The following SPOPL variants were observed in gnomAD, a reference collection of about 807,000 sequenced individuals.
The protein encoded by SPOPL is speckle-type POZ protein-like.
A neutral mutation model predicts 53.8 loss-of-function variants in SPOPL; 23 were observed. The ratio of observed to expected loss-of-function variants is 0.43; its 90% CI spans 0.31 to 0.61. The LOEUF is 0.61. Among genes scored for constraint, SPOPL ranks in the 20% least tolerant of loss-of-function variants. SPOPL has a pLI of 0.12. For missense variants in SPOPL, 442 were observed against 466.9 expected, an observed-to-expected ratio of 0.95 and a Z score of 0.49; for synonymous variants, 164 against 149.7, an observed-to-expected ratio of 1.10 and a Z score of -0.70.
intron 8 of SPOPL, among the ~76,000 whole-genome samples, chr2:138,561,594 T>C (rs76921014): frequency 2.6e-5 from 4 of 152,260 alleles, no homozygotes; most frequent in African/African-American, 7.2e-5. Flanking sequence ...ATTGGGGAAA[T>C]TGGACCAAGT....
intron 1 of SPOPL, among the ~76,000 whole-genome samples, chr2:138,512,551 A>G (rs923859201): frequency 2.0e-5 from 3 of 152,214 alleles, no homozygotes; most frequent in African/African-American, 7.2e-5. Flanking sequence ...ATAGTTTTAT[A>G]TGCACATGAT....
Position 138,569,165 on chromosome 2 carries a change from AGTT to A in SPOPL, c.*89_*91del. ...TTCTAATACACAAACCATAAGCAAG[AGTT>A]GTTTCTGTTATTTTGTCCACAGAAC... On this transcript the variant is annotated 3_prime_UTR_variant, in exon 11 of 11. Coordinates refer to ENST00000280098, the MANE Select transcript of SPOPL (RefSeq NM_001001664.3). 6.9e-7 allele frequency: 1 copy of A among 1,439,498 alleles called. No homozygotes were observed. The highest frequency in any genetic ancestry group is 9.5e-7 in the Non-Finnish European group (1 of 1,056,700). The allele number at this position is 1,439,498 out of a possible 1,614,324, so 89.2% of individuals were successfully genotyped here.
At chr2:138,548,239 CTTT>C (rs34021497) in intron 1 of SPOPL, among the ~76,000 whole-genome samples, 2 of 88,978 alleles carry the variant, frequency 2.2e-5, no homozygotes, top group African/African-American at 4.5e-5. Context: ...TGAAGGTAAA[CTTT>C]TTTTTTTTTT....
chr2:138,554,184 T>G (rs1183741012), intron 5 of SPOPL, among the ~76,000 whole-genome samples: 1 of 152,024 alleles, frequency 6.6e-6, no homozygotes, highest in Admixed American at 6.6e-5. Flanking sequence ...TTAAGATTTT[T>G]TTTTTGTATG....
chr2:138,560,794 T>A lies in SPOPL; in HGVS notation c.715-11T>A. ...TTTTTTTAACATTTTTGTGTTGTTT[T>A]TCGATATCAGAATCGAGTGGAAATA... On this transcript the variant is annotated splice_polypyrimidine_tract_variant and intron_variant, in intron 7 of 10. Coordinates refer to ENST00000280098, the MANE Select transcript of SPOPL (RefSeq NM_001001664.3). 2 of 1,573,402 alleles carry A rather than the reference T, an allele frequency of 1.3e-6. No individual in the cohort carries two copies. The highest frequency in any genetic ancestry group is 1.7e-6 in the Non-Finnish European group (2 of 1,168,278).
intron 5 of SPOPL, among the ~76,000 whole-genome samples, 197 bp from the exon 6 acceptor site, chr2:138,558,825 G>T (rs542979255): frequency 4.9e-4 from 75 of 152,084 alleles, no homozygotes; most frequent in Admixed American, 2.0e-4. Context: ...AATTGAAAAA[G>T]ATCTATATTT....
At chr2:138,527,961 T>C (rs911308379) in intron 1 of SPOPL, among the ~76,000 whole-genome samples, 2 of 152,198 alleles carry the variant, frequency 1.3e-5, no homozygotes, top group Non-Finnish European at 2.9e-5. Flanking sequence ...AGGAGGGCTT[T>C]ATTTTGTGTG....
chr2:138,528,416 T>A (rs893508221), intron 1 of SPOPL, among the ~76,000 whole-genome samples: 2 of 152,238 alleles, frequency 1.3e-5, no homozygotes, highest in Admixed American at 1.3e-4. Flanking sequence ...GCCGTTCCTC[T>A]GACTTGAATT....
At position 138,542,118 on chromosome 2, in the gene SPOPL, G is replaced by C. The variant is rs139173553; in HGVS notation, c.-60-8039G>C. ...TCTGAGAGAGTTTGTTATAATTTCT[G>C]TTCTTTTACATATGCTGAAGAGTGC... On this transcript the variant is annotated intron_variant, in intron 1 of 10. Coordinates refer to ENST00000280098, the MANE Select transcript of SPOPL (RefSeq NM_001001664.3). Among the ~76,000 whole-genome samples the C allele has an allele frequency of 8.5e-4, 130 of 152,182 alleles. 1 individual carries two copies. Among genetic ancestry groups the C allele is most frequent in the South Asian group, 3.9e-3 (19 of 4,816 alleles).
At chr2:138,523,422 T>C (rs1178261496) in intron 1 of SPOPL, among the ~76,000 whole-genome samples, 4 of 152,150 alleles carry the variant, frequency 2.6e-5, no homozygotes, top group Non-Finnish European at 5.9e-5. Flanking sequence ...CATATCATTC[T>C]GCCCCTGGCC....
At chr2:138,549,875 A>G (rs1685276633) in intron 1 of SPOPL, among the ~76,000 whole-genome samples, 2 of 152,124 alleles carry the variant, frequency 1.3e-5, no homozygotes, top group African/African-American at 4.8e-5. Flanking sequence ...TTTTATGTAT[A>G]TGCTCTTAAA....
At chr2:138,512,396 T>A (rs560634790) in intron 1 of SPOPL, among the ~76,000 whole-genome samples, 79 of 152,330 alleles carry the variant, frequency 5.2e-4, no homozygotes, top group African/African-American at 1.9e-3. Context: ...TAGTTGGGAT[T>A]CCTGTCAACC....
intron 1 of SPOPL, among the ~76,000 whole-genome samples, chr2:138,546,820 A>G (rs1685205694): frequency 6.6e-6 from 1 of 152,232 alleles, no homozygotes; most frequent in South Asian, 2.1e-4. Context: ...AACAACATAT[A>G]TAATATCTTG....
At chr2:138,558,693 A>G (rs1685479377) in intron 5 of SPOPL, among the ~76,000 whole-genome samples, 1 of 152,118 alleles carries the variant, frequency 6.6e-6, no homozygotes, top group African/African-American at 2.4e-5. Flanking sequence ...TCCACCTCAC[A>G]AAGATGTACT....
intron 1 of SPOPL, among the ~76,000 whole-genome samples, chr2:138,545,122 G>C (rs1685163430): frequency 6.6e-6 from 1 of 152,186 alleles, no homozygotes; most frequent in African/African-American, 2.4e-5. Flanking sequence ...CCTCAGGGAA[G>C]CTCCAAGGCA....
chr2:138,538,222 A>G (rs561448640), intron 1 of SPOPL, among the ~76,000 whole-genome samples: 2 of 152,250 alleles, frequency 1.3e-5, no homozygotes, highest in Non-Finnish European at 2.9e-5. Flanking sequence ...TGTTAGGTCT[A>G]GTTATTTTAT....
In SPOPL at chr2:138,573,362, G is replaced by T. The variant is rs542754729; in HGVS notation, c.*4282G>T. The T allele has an allele frequency of 6.6e-6, 1 of 152,170 alleles. No individual in the cohort carries two copies. The highest frequency in any genetic ancestry group is 1.9e-4 in the East Asian group (1 of 5,176). The allele number at this position is 152,170 out of a possible 1,614,324, so 9.4% of individuals were successfully genotyped here. A position where few individuals can be genotyped will look rare whatever the true frequency, so the allele number is the denominator to read the frequency against. On this transcript the variant is annotated 3_prime_UTR_variant, in exon 11 of 11. Transcript: ENST00000280098. ...TAGTAATTGTCTTTTCTACATAGGG[G>T]AGCTCTTGTTTTTTGGAACCAATTG...
In SPOPL at chr2:138,570,326, A is replaced by G. The variant is rs1685754580; in HGVS notation, c.*1246A>G. 1 of 152,210 alleles carries G rather than the reference A, an allele frequency of 6.6e-6. No individual in the cohort carries two copies. Among genetic ancestry groups the G allele is most frequent in the Non-Finnish European group, 1.5e-5 (1 of 68,030 alleles). 9.4% of individuals were successfully genotyped at this position (152,210 alleles called of 1,614,324 possible). A position where few individuals can be genotyped will look rare whatever the true frequency, so the allele number is the denominator to read the frequency against. ...TCATTGTGTTTCAGTTACTGTACTA[A>G]CATTGTGGATGATACTGAAATTCTG... On this transcript the variant is annotated 3_prime_UTR_variant, in exon 11 of 11. Coordinates refer to ENST00000280098, the MANE Select transcript of SPOPL (RefSeq NM_001001664.3).
chr2:138,544,528 C>T (rs113507698), intron 1 of SPOPL, among the ~76,000 whole-genome samples: 9,431 of 152,210 alleles, frequency 0.062, 776 homozygotes, highest in East Asian at 0.34. Flanking sequence ...TAAGACCCTC[C>T]GAGCCAGGTG....
Sources: allele counts gnomAD v4.1 joint callset (sites outside exome capture counted in the v4.1 genomes callset), GRCh38; gene constraint gnomAD v4.1.1; transcripts MANE v1.5; gene names NCBI Gene and HGNC (gene_info 2026-07-23, HGNC 2026-07-21).